The following KCNH8 variants were observed in gnomAD, a reference collection of about 807,000 sequenced individuals.
KCNH8 encodes the protein voltage-gated delayed rectifier potassium channel KCNH8.
Under a neutral mutation model 103.6 loss-of-function variants are expected in KCNH8, and 70 were observed. The ratio of observed to expected loss-of-function variants is 0.68; its 90% CI spans 0.56 to 0.82. The LOEUF is 0.82. KCNH8 is among the 40% of genes least tolerant of loss of function. The pLI is 0.00. For missense variants in KCNH8, 1,217 were observed against 1,329.9 expected, an observed-to-expected ratio of 0.92 and a Z score of 1.32; for synonymous variants, 498 against 489.4, an observed-to-expected ratio of 1.02 and a Z score of -0.23.
At chr3:19,516,817 CAA>C (rs1399915877) in intron 14 of KCNH8, among the ~76,000 whole-genome samples, 1 of 152,010 alleles carries the variant, frequency 6.6e-6, no homozygotes, top group African/African-American at 2.4e-5. Flanking sequence ...GCATTGCTAC[CAA>C]AGTCTTTTCT....
At chr3:19,516,436 C>T (rs1484095380) in intron 14 of KCNH8, among the ~76,000 whole-genome samples, 3 of 151,936 alleles carry the variant, frequency 2.0e-5, no homozygotes, top group African/African-American at 7.3e-5. Flanking sequence ...ATAAGGAGTA[C>T]AGTCTTGATT....
intron 1 of KCNH8, among the ~76,000 whole-genome samples, chr3:19,195,015 C>T (rs1473830928): frequency 1.3e-5 from 2 of 151,818 alleles, no homozygotes; most frequent in Non-Finnish European, 2.9e-5. Flanking sequence ...GCAAGGCCAT[C>T]ATAACTGAAG....
At chr3:19,505,648 T>G (rs1436858381) in intron 11 of KCNH8, among the ~76,000 whole-genome samples, 1 of 152,100 alleles carries the variant, frequency 6.6e-6, no homozygotes. Context: ...CTTGGGGATG[T>G]CTTTCTCTTT....
Position 19,350,423 on chromosome 3 carries a change from G to A in KCNH8, c.811+2458G>A, listed in dbSNP as rs144595405. Among the ~76,000 whole-genome samples the A allele has an allele frequency of 2.3e-3, 357 of 152,220 alleles. 6 individuals are homozygous for A. Among genetic ancestry groups the A allele is most frequent in the African/African-American group, 8.1e-3 (337 of 41,550 alleles). On this transcript the variant is annotated intron_variant, in intron 5 of 15. Transcript: ENST00000328405. ...TTTGAGATCTGAGAACGGAAAGACT[G>A]CCTCCTCAAGTGGGTCCCTGACCCC...
At chr3:19,292,439 T>C (rs999666129) in intron 3 of KCNH8, among the ~76,000 whole-genome samples, 1 of 152,172 alleles carries the variant, frequency 6.6e-6, no homozygotes, top group Non-Finnish European at 1.5e-5. Flanking sequence ...CTGGTAAAAG[T>C]TTTGTGTTGC....
At chr3:19,517,857 C>A in intron 14 of KCNH8, 141 bp from the exon 15 acceptor site, 1 of 623,752 alleles carries the variant, frequency 1.6e-6, no homozygotes. Context: ...TTGCCTGATC[C>A]CTAAAAGACA....
chr3:19,315,683 CT>C (rs563932482), intron 3 of KCNH8, among the ~76,000 whole-genome samples: 1 of 151,892 alleles, frequency 6.6e-6, no homozygotes, highest in Non-Finnish European at 1.5e-5. Flanking sequence ...CAAAATAGTT[CT>C]TTTGTGCACT....
chr3:19,501,985 T>C (rs1401710278), intron 11 of KCNH8, among the ~76,000 whole-genome samples: 84 of 152,022 alleles, frequency 5.5e-4, no homozygotes, highest in South Asian at 8.3e-4. Context: ...TCAAATTGTC[T>C]CTGTTTGCAG....
chr3:19,166,917 A>G (rs999386939), intron 1 of KCNH8, among the ~76,000 whole-genome samples: 2 of 152,240 alleles, frequency 1.3e-5, no homozygotes, highest in African/African-American at 4.8e-5. Flanking sequence ...TGGTTAGTAT[A>G]GAAGGATTGC....
At chr3:19,171,908 T>G (rs1459661353) in intron 1 of KCNH8, among the ~76,000 whole-genome samples, 1 of 152,212 alleles carries the variant, frequency 6.6e-6, no homozygotes. Context: ...ATCTTCATTC[T>G]GAATGAGGAT....
At chr3:19,226,493 A>C (rs2063932904) in intron 1 of KCNH8, among the ~76,000 whole-genome samples, 1 of 152,132 alleles carries the variant, frequency 6.6e-6, no homozygotes, top group Non-Finnish European at 1.5e-5. Context: ...TGACAGTAAG[A>C]GACCGAGTTA....
chr3:19,245,753 G>A (rs921087090), intron 1 of KCNH8, among the ~76,000 whole-genome samples: 4 of 152,050 alleles, frequency 2.6e-5, no homozygotes, highest in African/African-American at 7.2e-5. Context: ...CTGGACATTG[G>A]TGTATAGAAA....
chr3:19,153,013 G>GT (rs150958062), intron 1 of KCNH8, among the ~76,000 whole-genome samples: 7,413 of 152,136 alleles, frequency 0.049, 582 homozygotes, highest in African/African-American at 0.16. Context: ...ATTCTCAGTG[G>GT]TTTTTTCTTT....
rs545481542 is a variant in KCNH8, at chr3:19,280,129, T to C, written c.311-1069T>C. Among the ~76,000 whole-genome samples the C allele has an allele frequency of 3.3e-5, 5 of 152,250 alleles. No homozygotes were observed. The South Asian group carries it at 1.0e-3, about 32-fold the overall frequency. On this transcript the variant is annotated intron_variant, in intron 2 of 15. Transcript: ENST00000328405. The stretch of plus-strand genomic sequence containing the variant: ...ATACAGTGCAAGATTTTTTTACATA[T>C]TTCTAAAATACATATTTTAAAATAT...
At chr3:19,278,479 A>G (rs1429694754) in intron 2 of KCNH8, among the ~76,000 whole-genome samples, 1 of 121,334 alleles carries the variant, frequency 8.2e-6, no homozygotes, top group African/African-American at 3.1e-5. Flanking sequence ...AAGGGAAGGA[A>G]GGAAGGAGGG....
chr3:19,533,595 C>T lies in KCNH8; in HGVS notation c.2820C>T (p.Gly940=), dbSNP rs151258565. Residue 940 remains glycine, a synonymous_variant, in exon 16 of 16, where the codon GGC becomes GGT. Coordinates refer to ENST00000328405, the MANE Select transcript of KCNH8 (RefSeq NM_144633.3). ...AGCCTTGCCTACACTTGCAAACAGG[C>T]GGGGCTGCTTATACCCAAGCACAAC... ...AHQPCLHLQT[G]GAAYTQAQLC... The T allele has an allele frequency of 1.7e-4, 280 of 1,614,150 alleles. 1 individual carries two copies. The highest frequency in any genetic ancestry group is 3.3e-4 in the Middle Eastern group (2 of 6,062).
Position 19,296,107 on chromosome 3 carries a change from G to A in KCNH8, c.442+14778G>A, listed in dbSNP as rs2064994086. Reference sequence around the variant, plus strand: ...TATATATATTTATTTGACACTTTGTGTGGGGGAACAATTTAACTCATGGAC... The same window carrying A: ...TATATATATTTATTTGACACTTTGTATGGGGGAACAATTTAACTCATGGAC... On this transcript the variant is annotated intron_variant, in intron 3 of 15. Coordinates refer to ENST00000328405, the MANE Select transcript of KCNH8 (RefSeq NM_144633.3). Among the ~76,000 whole-genome samples the A allele has an allele frequency of 2.0e-5, 3 of 152,160 alleles. No individual in the cohort carries two copies. In the South Asian group the frequency reaches 6.2e-4, roughly 31 times the overall value.
intron 5 of KCNH8, among the ~76,000 whole-genome samples, chr3:19,352,243 G>A (rs1176476372): frequency 1.3e-5 from 2 of 152,248 alleles, no homozygotes; most frequent in Non-Finnish European, 2.9e-5. Context: ...CAAGTCCTTA[G>A]AGACATACAA....
At chr3:19,469,599 GT>G (rs1262164785) in intron 11 of KCNH8, among the ~76,000 whole-genome samples, 2 of 151,952 alleles carry the variant, frequency 1.3e-5, no homozygotes, top group Non-Finnish European at 2.9e-5. Context: ...GTCACAGTAT[GT>G]TTTTTATATT....
Sources: gnomAD v4.1 joint callset for allele counts (sites outside exome capture counted in the v4.1 genomes callset) on GRCh38, gnomAD v4.1.1 for gene constraint, MANE v1.5 for transcripts, NCBI Gene and HGNC (gene_info 2026-07-23, HGNC 2026-07-21) for gene names.